The following POM121 variants were observed in gnomAD, a reference collection of about 807,000 sequenced individuals.
POM121 encodes the protein nuclear envelope pore membrane protein POM 121.
A neutral mutation model predicts 81.3 loss-of-function variants in POM121; 32 were observed. The observed-to-expected ratio is 0.39, with a 90% confidence interval of 0.30 to 0.53. The LOEUF (loss-of-function observed/expected upper bound fraction) is 0.53. POM121 is among the 20% of genes least tolerant of loss of function. The pLI, the probability that POM121 is intolerant of heterozygous loss-of-function variation, is 0.66. For missense variants in POM121, 1,138 were observed against 1,614.6 expected, an observed-to-expected ratio of 0.70 and a Z score of 5.06; for synonymous variants, 514 against 694.2, an observed-to-expected ratio of 0.74 and a Z score of 4.08.
At chr7:72,909,917 G>A (rs556887207) in intron 3 of POM121, among the ~76,000 whole-genome samples, 44 of 152,342 alleles carry the variant, frequency 2.9e-4, no homozygotes, top group African/African-American at 1.1e-3. Context: ...ACAGTGTTGG[G>A]ATTACAGGCA....
chr7:72,913,735 C>T (rs782684951), intron 3 of POM121: 4 of 152,396 alleles, frequency 2.6e-5, no homozygotes, highest in Non-Finnish European at 5.9e-5. Flanking sequence ...TGATTCCTCT[C>T]CCTGAAACTC....
intron 3 of POM121, among the ~76,000 whole-genome samples, chr7:72,911,075 C>A (rs535644764): frequency 6.6e-6 from 1 of 152,360 alleles, no homozygotes; most frequent in East Asian, 1.9e-4. Flanking sequence ...CATTCTCCAC[C>A]TCCTGGGTTG....
chr7:72,917,289 A>G (rs1213755835), intron 4 of POM121, among the ~76,000 whole-genome samples: 2 of 152,242 alleles, frequency 1.3e-5, no homozygotes, highest in Non-Finnish European at 2.9e-5. Context: ...CACCTCTCCC[A>G]GTCTTTGAAG....
At chr7:72,930,600 C>T (rs1352438323) in intron 5 of POM121, among the ~76,000 whole-genome samples, 4 of 152,124 alleles carry the variant, frequency 2.6e-5, no homozygotes, top group Non-Finnish European at 4.4e-5. Context: ...GAATTGAAAG[C>T]GGGGTTTTTA....
At chr7:72,912,027 G>A (rs1793853788) in intron 3 of POM121, among the ~76,000 whole-genome samples, 1 of 152,212 alleles carries the variant, frequency 6.6e-6, no homozygotes, top group Non-Finnish European at 1.5e-5. Context: ...GAGTAGCTGG[G>A]ACTACAGGTT....
chr7:72,901,517 G>C (rs1792651377), intron 3 of POM121, among the ~76,000 whole-genome samples: 1 of 151,920 alleles, frequency 6.6e-6, no homozygotes, highest in Admixed American at 6.6e-5. Flanking sequence ...ACCGTGCCTG[G>C]CTAATTTTTG....
At chr7:72,892,652 C>T (rs1791418715) in intron 3 of POM121, among the ~76,000 whole-genome samples, 1 of 151,694 alleles carries the variant, frequency 6.6e-6, no homozygotes. Flanking sequence ...TCCCTTCCTC[C>T]CTCCCTCCCT....
At chr7:72,919,401 C>T (rs1267255474) in intron 4 of POM121, among the ~76,000 whole-genome samples, 2 of 150,250 alleles carry the variant, frequency 1.3e-5, no homozygotes, top group African/African-American at 4.9e-5. Context: ...TTGTGTAGAT[C>T]CAGATTTCCA....
At chr7:72,939,708 C>T in intron 7 of POM121, 139 bp from the exon 8 acceptor site, 1 of 1,601,634 alleles carries the variant, frequency 6.2e-7, no homozygotes. Flanking sequence ...AAACACCATC[C>T]AAGCAACCAA....
chr7:72,934,235 C>A (rs1340743100), intron 5 of POM121, among the ~76,000 whole-genome samples: 1 of 151,530 alleles, frequency 6.6e-6, no homozygotes, highest in Non-Finnish European at 1.5e-5. Flanking sequence ...CAGGCACCCA[C>A]CACCATGCCC....
At chr7:72,911,526 C>G (rs1458540354) in intron 3 of POM121, among the ~76,000 whole-genome samples, 1 of 152,182 alleles carries the variant, frequency 6.6e-6, no homozygotes, top group Non-Finnish European at 1.5e-5. Flanking sequence ...CAGTAAAACC[C>G]CATCTCCAGC....
chr7:72,928,317 T>A, intron 3 of POM121, 68 bp from the exon 4 acceptor site: 3 of 1,584,442 alleles, frequency 1.9e-6, no homozygotes, highest in Non-Finnish European at 2.6e-6. Flanking sequence ...CCCAGAAATA[T>A]GAGAATACAC....
At position 72,943,325 on chromosome 7, in the gene POM121, T is replaced by G; in HGVS notation, c.3332T>G (p.Phe1111Cys). The change falls in exon 11 of 13, where the codon TTT (phenylalanine) becomes TGT (cysteine). Residue 1111 changes from phenylalanine (F) to cysteine (C), a missense_variant. Physicochemically the swap from Phe to Cys is radical, Grantham distance 205. Transcript: ENST00000434423. ...GCAGCCCCCGCTGGCAGTGGGAGCT[T>G]TGGGATCAATGTGGCCACCCCAGGC... ...GSAAPAGSGS[F>C]GINVATPGSS... The G allele has an allele frequency of 1.9e-6, 3 of 1,606,894 alleles. No individual in the cohort carries two copies. Among genetic ancestry groups the G allele is most frequent in the Non-Finnish European group, 2.5e-6 (3 of 1,177,078 alleles).
chr7:72,906,278 G>C (rs1554493416), intron 3 of POM121, among the ~76,000 whole-genome samples: 1 of 152,204 alleles, frequency 6.6e-6, no homozygotes, highest in Non-Finnish European at 1.5e-5. Context: ...ACCAAGGCAA[G>C]CATCCGGGCT....
rs1205256509 is a variant in POM121 at position 72,948,252 on chromosome 7, T to A, written c.*2018T>A. 39 of 1,458,432 alleles carry A rather than the reference T, an allele frequency of 2.7e-5. No individual in the cohort carries two copies. The highest frequency in any genetic ancestry group is 3.8e-4 in the Middle Eastern group (2 of 5,204). The allele number at this position is 1,458,432 out of a possible 1,614,324, so 90.3% of individuals were successfully genotyped here. ...GGAATTTTTAGTATGAATGTGAGAT[T>A]TTTCTCCTGCTTGTGACATTAAGAA... On this transcript the variant is annotated 3_prime_UTR_variant, in exon 13 of 13. Coordinates refer to ENST00000434423, the MANE Select transcript of POM121 (RefSeq NM_001387691.1).
intron 1 of POM121, among the ~76,000 whole-genome samples, chr7:72,880,714 C>T (rs1301525447): frequency 6.6e-6 from 1 of 150,726 alleles, no homozygotes; most frequent in Non-Finnish European, 1.5e-5. Context: ...CATGGGGAGA[C>T]CCTGACTACA....
intron 5 of POM121, among the ~76,000 whole-genome samples, chr7:72,935,520 T>A (rs553453403): frequency 1.2e-3 from 184 of 152,230 alleles, no homozygotes; most frequent in African/African-American, 4.0e-3. Flanking sequence ...TGTAGAGGTT[T>A]TACTTCTTTT....
At chr7:72,914,027 A>G (rs112509827) in intron 4 of POM121, among the ~76,000 whole-genome samples, 4,475 of 152,270 alleles carry the variant, frequency 0.029, 208 homozygotes, top group African/African-American at 0.1. Context: ...CCAATAAATA[A>G]AGTAGGACAG....
intron 12 of POM121, 152 bp from the exon 13 acceptor site, chr7:72,945,985 C>T: frequency 1.4e-6 from 2 of 1,433,498 alleles, no homozygotes; most frequent in East Asian, 2.5e-5. Context: ...TTTCAGGAGG[C>T]TTCTCCCGTA....
Sources: allele counts gnomAD v4.1 joint callset (sites outside exome capture counted in the v4.1 genomes callset), GRCh38; gene constraint gnomAD v4.1.1; transcripts MANE v1.5; gene names NCBI Gene and HGNC (gene_info 2026-07-23, HGNC 2026-07-21).